Variants in FGFR2 observed in about 807,000 individuals in gnomAD.
FGFR2 encodes the protein BEK fibroblast growth factor receptor.
In FGFR2, 19 loss-of-function variants were observed where a neutral mutation model predicts 95.9. That is an observed-to-expected ratio of 0.20 (90% CI 0.14 to 0.29). The LOEUF is 0.29. Ranked by LOEUF, FGFR2 falls within the 10% of genes least tolerant of loss-of-function variation. The pLI is 1.00. For synonymous variants in FGFR2, 392 were observed against 393.3 expected, an observed-to-expected ratio of 1.00 and a Z score of 0.04; for missense variants, 707 against 1,056.9, an observed-to-expected ratio of 0.67 and a Z score of 4.59.
intron 6 of FGFR2, among the ~76,000 whole-genome samples, chr10:121,522,760 A>C (rs1850736266): frequency 1.3e-5 from 2 of 152,146 alleles, no homozygotes. Context: ...ACATGAATAC[A>C]ACTCCATCCC....
At chr10:121,504,001 T>TCAGCCAGAGCC (rs1433537428) in intron 9 of FGFR2, 60 bp from the exon 10 acceptor site, 7 of 1,598,250 alleles carry the variant, frequency 4.4e-6, no homozygotes, top group Non-Finnish European at 6.0e-6. Context: ...AGGCTGGAAG[T>TCAGCCAGAGCC]CAGCCAGAGC....
intron 10 of FGFR2, among the ~76,000 whole-genome samples, chr10:121,503,537 A>C (rs765028824): frequency 1.3e-5 from 2 of 152,238 alleles, no homozygotes; most frequent in Non-Finnish European, 2.9e-5. Flanking sequence ...ACACTTAAAA[A>C]ATGATAACCA....
intron 2 of FGFR2, among the ~76,000 whole-genome samples, chr10:121,592,361 C>CCTGTAG (rs1320564619): frequency 6.6e-6 from 1 of 152,154 alleles, no homozygotes; most frequent in Admixed American, 6.5e-5. Flanking sequence ...CCATAATCGG[C>CCTGTAG]CTGTAGCTGT....
chr10:121,590,937 T>C (rs1265471462), intron 2 of FGFR2, among the ~76,000 whole-genome samples: 2 of 152,180 alleles, frequency 1.3e-5, no homozygotes, highest in Non-Finnish European at 2.9e-5. Flanking sequence ...GTTCTAATCA[T>C]GGAGAACTGA....
At chr10:121,543,887 T>G (rs1486344595) in intron 5 of FGFR2, among the ~76,000 whole-genome samples, 1 of 152,220 alleles carries the variant, frequency 6.6e-6, no homozygotes, top group African/African-American at 2.4e-5. Context: ...AGAGGCCCGT[T>G]GCTTGTCGGT....
chr10:121,546,645 CT>C (rs974906881), intron 5 of FGFR2, among the ~76,000 whole-genome samples: 1 of 152,004 alleles, frequency 6.6e-6, no homozygotes, highest in Non-Finnish European at 1.5e-5. Context: ...CTTTGTTTTG[CT>C]TTTTTTGTCT....
chr10:121,494,443 C>T (rs1204655372), intron 13 of FGFR2, among the ~76,000 whole-genome samples: 1 of 152,072 alleles, frequency 6.6e-6, no homozygotes, highest in Non-Finnish European at 1.5e-5. Context: ...GCCCTCCTAC[C>T]ACATTTCCCC....
At chr10:121,546,746 CG>C (rs1231115485) in intron 5 of FGFR2, among the ~76,000 whole-genome samples, 1 of 151,928 alleles carries the variant, frequency 6.6e-6, no homozygotes, top group East Asian at 1.9e-4. Context: ...AATCCATAAA[CG>C]GGTAGAAAGA....
chr10:121,547,389 A>G (rs2134745686), intron 5 of FGFR2, among the ~76,000 whole-genome samples: 1 of 148,818 alleles, frequency 6.7e-6, no homozygotes, highest in Admixed American at 6.7e-5. Flanking sequence ...GTGCAAAGGT[A>G]CCTTTTTTTT....
intron 2 of FGFR2, among the ~76,000 whole-genome samples, chr10:121,572,550 G>A (rs1411058626): frequency 6.6e-6 from 1 of 152,052 alleles, no homozygotes; most frequent in East Asian, 1.9e-4. Context: ...AACCCAGAAG[G>A]TGGAGGTTGC....
At chr10:121,589,059 A>C (rs1352737121) in intron 2 of FGFR2, among the ~76,000 whole-genome samples, 1 of 152,218 alleles carries the variant, frequency 6.6e-6, no homozygotes, top group Non-Finnish European at 1.5e-5. Flanking sequence ...CCAAAAAATA[A>C]TTTCTGAACT....
At chr10:121,556,208 C>G (rs924151865) in intron 4 of FGFR2, among the ~76,000 whole-genome samples, 1 of 152,164 alleles carries the variant, frequency 6.6e-6, no homozygotes, top group South Asian at 2.1e-4. Context: ...ATTAAGGTCC[C>G]CGCCAGTTCG....
At position 121,517,509 on chromosome 10, in the gene FGFR2, T is replaced by C. The variant is rs775835342; in HGVS notation, c.940-46A>G. On this transcript the variant is annotated intron_variant, in intron 7 of 17. Coordinates refer to ENST00000358487, the MANE Select transcript of FGFR2 (RefSeq NM_000141.5). The surrounding 1 kb of genome is among the most constrained non-coding windows in gnomAD (Gnocchi z 4.7). ...AAGAAAAGGCTAGACGACACAGGAA[T>C]GATTGTGGAGGGGGCTGTGGAACCA... is the stretch of plus-strand genomic sequence containing the variant. The C allele has an allele frequency of 3.5e-5, 57 of 1,613,106 alleles. No individual in the cohort carries two copies. Among genetic ancestry groups the C allele is most frequent in the Non-Finnish European group, 1.9e-5 (22 of 1,179,616 alleles).
chr10:121,498,069 G>C (rs1230656274), intron 12 of FGFR2, among the ~76,000 whole-genome samples: 1 of 152,164 alleles, frequency 6.6e-6, no homozygotes, highest in Non-Finnish European at 1.5e-5. Flanking sequence ...AGCTATTCTT[G>C]GGAGCTCAGC....
Position 121,503,859 on chromosome 10 carries a change from G to T in FGFR2, c.1370C>A (p.Thr457Asn), listed in dbSNP as rs1245946700. The T allele has an allele frequency of 1.2e-6, 2 of 1,614,122 alleles. No homozygotes were observed. Among genetic ancestry groups the T allele is most frequent in the Admixed American group, 1.7e-5 (1 of 60,014 alleles). ...CTCGGAGACCCCTGCCAGCATGGGG[G>T]TGTCTGCCGTTGAAGAGAGGCGTGT... is the stretch of plus-strand genomic sequence containing the variant. ...ITTRLSSTAD[T>N]PMLAGVSEYE... The change falls in exon 10 of 18, where the codon ACC (threonine) becomes AAC (asparagine). Residue 457 changes from threonine to asparagine, a missense_variant. Around this residue, in one of 7 missense-constraint regions of FGFR2, gnomAD observed 194 missense variants for 267.3 expected, o/e 0.73. Coordinates refer to ENST00000358487, the MANE Select transcript of FGFR2 (RefSeq NM_000141.5).
At chr10:121,534,091 CTTTTTTTTTTTT>C (rs1022674124) in intron 6 of FGFR2, among the ~76,000 whole-genome samples, 252 of 92,118 alleles carry the variant, frequency 2.7e-3, no homozygotes, top group Middle Eastern at 0.011. Context: ...CCCAAAATGG[CTTTTTTTTTTTT>C]TTTTTTTTTT....
intron 4 of FGFR2, among the ~76,000 whole-genome samples, chr10:121,559,833 A>G (rs1434472443): frequency 6.6e-6 from 1 of 152,274 alleles, no homozygotes; most frequent in African/African-American, 2.4e-5. Flanking sequence ...AATGCAAAGC[A>G]TAAGGTCCAC....
intron 2 of FGFR2, among the ~76,000 whole-genome samples, chr10:121,571,735 G>A (rs938040660): frequency 6.6e-6 from 1 of 151,998 alleles, no homozygotes; most frequent in Non-Finnish European, 1.5e-5. Context: ...CCTGAGGTCA[G>A]GAGTTCGAGA....
chr10:121,496,877 T>C (rs1236161161), intron 12 of FGFR2, among the ~76,000 whole-genome samples, 155 bp from the exon 13 acceptor site: 2 of 150,800 alleles, frequency 1.3e-5, no homozygotes, highest in Admixed American at 6.6e-5. Flanking sequence ...ATATCTGTAA[T>C]CCCAGCCCTT....
Sources: gnomAD v4.1 joint callset for allele counts (sites outside exome capture counted in the v4.1 genomes callset) on GRCh38, gnomAD v4.1.1 for gene constraint, gnomAD v4.1.1 regional missense constraint, Gnocchi (gnomAD v3.1) non-coding constraint, MANE v1.5 for transcripts, NCBI Gene and HGNC (gene_info 2026-07-23, HGNC 2026-07-21) for gene names.